Variants in FADS3 observed in about 807,000 individuals in gnomAD.
The protein encoded by FADS3 is cytochrome b5-related protein.
Under a neutral mutation model 60.4 loss-of-function variants are expected in FADS3, and 30 were observed. The observed-to-expected ratio is 0.50, with a 90% CI of 0.37 to 0.67. The LOEUF is 0.67. Ranked by LOEUF, FADS3 falls within the 30% of genes least tolerant of loss-of-function variation. The probability of loss-of-function intolerance (pLI) is 0.00; values close to 1 mark genes in which losing one functional copy is unlikely to be tolerated. For synonymous variants in FADS3, 234 were observed against 249.3 expected, an observed-to-expected ratio of 0.94 and a Z score of 0.58; for missense variants, 432 against 598.3, an observed-to-expected ratio of 0.72 and a Z score of 2.90.
At position 61,873,761 on chromosome 11, in the gene FADS3, CTGGCTTGG is replaced by C; in HGVS notation, c.*45_*52del. On this transcript the variant is annotated 3_prime_UTR_variant, in exon 12 of 12. Transcript: ENST00000278829. ...GTGAGGGTATCGATCCCGCCGGGGG[CTGGCTTGG>C]TTGCTGGTGCCCTGAGCCCTTCTCT... The C allele has an allele frequency of 6.9e-7, 1 of 1,442,582 alleles. No homozygotes were observed. Among genetic ancestry groups the C allele is most frequent in the South Asian group, 1.2e-5 (1 of 84,384 alleles). The allele number at this position is 1,442,582 out of a possible 1,614,324, so 89.4% of individuals were successfully genotyped here. A position where few individuals can be genotyped will look rare whatever the true frequency, so the allele number is the denominator to read the frequency against.
At chr11:61,891,834 C>CGGG (rs1938532978), upstream of FADS3, 1 of 152,232 alleles carries the variant, frequency 6.6e-6, no homozygotes, top group Non-Finnish European at 1.5e-5. Context: ...ACCCGGAGCG[C>CGGG]GGGGCCTGGG....
At chr11:61,889,648 G>A (rs963176819) in intron 1 of FADS3, among the ~76,000 whole-genome samples, 1 of 151,724 alleles carries the variant, frequency 6.6e-6, no homozygotes, top group Non-Finnish European at 1.5e-5. Flanking sequence ...CTCTGTCTCC[G>A]GCGGTTGGTG....
upstream of FADS3, chr11:61,891,565 G>A: frequency 3.5e-6 from 1 of 282,312 alleles, no homozygotes; most frequent in Non-Finnish European, 6.3e-6. Context: ...GGAACTCCCC[G>A]CCTTATAACC....
chr11:61,891,479 C>G lies in FADS3; in HGVS notation c.-98G>C. 3.5e-6 allele frequency: 3 copies of G among 849,090 alleles called. No homozygotes were observed. The South Asian group carries it at 1.3e-4, about 38-fold the overall frequency. 52.6% of individuals were successfully genotyped at this position (849,090 alleles called of 1,614,324 possible). A position where few individuals can be genotyped will look rare whatever the true frequency, so the allele number is the denominator to read the frequency against. On this transcript the variant is annotated 5_prime_UTR_variant, in exon 1 of 12. Transcript: ENST00000278829. ...CGCTCCCGGGCGCCGCCTCCGCCGC[C>G]GCCCGCTGCTCCGGCCCCGCCCTGC... is the stretch of plus-strand genomic sequence containing the variant.
chr11:61,885,310 C>G (rs151175055), intron 1 of FADS3, among the ~76,000 whole-genome samples: 59 of 152,340 alleles, frequency 3.9e-4, no homozygotes, highest in African/African-American at 1.4e-3. Flanking sequence ...GAGCCCCAGA[C>G]AAGACCACAC....
At chr11:61,885,627 A>T (rs1281440892) in intron 1 of FADS3, among the ~76,000 whole-genome samples, 1 of 152,190 alleles carries the variant, frequency 6.6e-6, no homozygotes, top group Non-Finnish European at 1.5e-5. Flanking sequence ...AGGGGCTGGC[A>T]GCCTCCTTCC....
intron 1 of FADS3, among the ~76,000 whole-genome samples, chr11:61,883,090 G>A (rs1325705490): frequency 1.3e-5 from 2 of 152,176 alleles, no homozygotes; most frequent in Non-Finnish European, 2.9e-5. Flanking sequence ...ATTTTTAGGT[G>A]TCCAGCTCAG....
At position 61,876,979 on chromosome 11, in the gene FADS3, G is replaced by T; in HGVS notation, c.886-16C>A. On this transcript the variant is annotated splice_polypyrimidine_tract_variant and intron_variant, in intron 7 of 11. Coordinates refer to ENST00000278829, the MANE Select transcript of FADS3 (RefSeq NM_021727.5). This position sits in a 1 kb window ranked among gnomAD's most constrained non-coding sequence, Gnocchi z 5.7. ...AGAGCAAATCCTGCAGAGGAGGGCA[G>T]AGGCGATACCGAGAGGTCTCCAGGT... 6.4e-7 allele frequency: 1 copy of T among 1,570,320 alleles called. No homozygotes were observed.
rs1382833961 is a variant in FADS3 at position 61,877,417 on chromosome 11, A to T, written c.885+94T>A. 1 of 1,168,186 alleles carries T rather than the reference A, an allele frequency of 8.6e-7. No homozygotes were observed. The highest frequency in any genetic ancestry group is 1.5e-5 in the African/African-American group (1 of 66,356). The allele number at this position is 1,168,186 out of a possible 1,614,324, so 72.4% of individuals were successfully genotyped here. A position where few individuals can be genotyped will look rare whatever the true frequency, so the allele number is the denominator to read the frequency against. On this transcript the variant is annotated intron_variant, in intron 7 of 11. Coordinates refer to ENST00000278829, the MANE Select transcript of FADS3 (RefSeq NM_021727.5). This position sits in a 1 kb window ranked among gnomAD's most constrained non-coding sequence, Gnocchi z 4.7. Reference sequence around the variant, plus strand: ...GCCACACTGTTGCACGCACATGTGCACCCTGTTTGCCTTCATGGGCAGGTA... The same window carrying T: ...GCCACACTGTTGCACGCACATGTGCTCCCTGTTTGCCTTCATGGGCAGGTA...
chr11:61,887,110 T>C lies in FADS3; in HGVS notation c.213+4059A>G, dbSNP rs533110612. ...ACCCAGGTGCCCAGCACCACCCTCA[T>C]AGTGTGCCCAGGACAAAAGCATTCT... On this transcript the variant is annotated intron_variant, in intron 1 of 11. Transcript: ENST00000278829. Among the ~76,000 whole-genome samples, 137 of 152,362 alleles carry C rather than the reference T, an allele frequency of 9.0e-4. 1 individual carries two copies. Among genetic ancestry groups the C allele is most frequent in the African/African-American group, 3.2e-3 (135 of 41,584 alleles).
chr11:61,888,847 T>C, intron 1 of FADS3, among the ~76,000 whole-genome samples: 1 of 152,158 alleles, frequency 6.6e-6, no homozygotes, highest in Non-Finnish European at 1.5e-5. Context: ...GGTCGCTCAG[T>C]GCCTCCAATA....
At position 61,877,396 on chromosome 11, in the gene FADS3, C is replaced by T. The variant is rs1937943951; in HGVS notation, c.885+115G>A. ...CTGTTGCACGCATACATGTGAGCCA[C>T]ACTGTTGCACGCACATGTGCACCCT... On this transcript the variant is annotated intron_variant, in intron 7 of 11. Coordinates refer to ENST00000278829, the MANE Select transcript of FADS3 (RefSeq NM_021727.5). The surrounding 1 kb of genome is among the most constrained non-coding windows in gnomAD (Gnocchi z 4.7). The T allele has an allele frequency of 3.2e-6, 3 of 945,328 alleles. No individual in the cohort carries two copies. The highest frequency in any genetic ancestry group is 1.8e-5 in the Admixed American group (1 of 54,208). The allele number at this position is 945,328 out of a possible 1,614,324, so 58.6% of individuals were successfully genotyped here.
rs374211652 is a variant in FADS3, at chr11:61,880,030, C to G, written c.324+11G>C. The G allele has an allele frequency of 2.2e-5, 36 of 1,602,676 alleles. No individual in the cohort carries two copies. The highest frequency in any genetic ancestry group is 6.7e-5 in the Admixed American group (4 of 59,944). On this transcript the variant is annotated intron_variant, in intron 2 of 11. Transcript: ENST00000278829. Reference sequence around the variant, plus strand: ...CTCAGGGGCTGAGCCTCTCCTAGGGCTCTGGCTCACATTCAGGGGTCCATC... The same window carrying G: ...CTCAGGGGCTGAGCCTCTCCTAGGGGTCTGGCTCACATTCAGGGGTCCATC...
chr11:61,888,667 C>T (rs1938393563), intron 1 of FADS3, among the ~76,000 whole-genome samples: 1 of 152,172 alleles, frequency 6.6e-6, no homozygotes, highest in Admixed American at 6.5e-5. Flanking sequence ...AGGGCACGCT[C>T]ACACTTAGGG....
At chr11:61,884,470 G>A (rs1591199112) in intron 1 of FADS3, among the ~76,000 whole-genome samples, 1 of 152,182 alleles carries the variant, frequency 6.6e-6, no homozygotes, top group Non-Finnish European at 1.5e-5. Flanking sequence ...AACTTAAAGT[G>A]AAGAAAACAA....
intron 1 of FADS3, among the ~76,000 whole-genome samples, chr11:61,890,604 C>T (rs1938471327): frequency 6.6e-6 from 1 of 152,172 alleles, no homozygotes; most frequent in South Asian, 2.1e-4. Context: ...CAGCCTGTTC[C>T]TGGGGTGACT....
rs1365182048 is a variant in FADS3, at chr11:61,877,134, G to A, written c.886-171C>T. On this transcript the variant is annotated intron_variant, in intron 7 of 11. Coordinates refer to ENST00000278829, the MANE Select transcript of FADS3 (RefSeq NM_021727.5). The surrounding 1 kb of genome is among the most constrained non-coding windows in gnomAD (Gnocchi z 4.7). ...TTTCTCAGCTGAGTAAAGGAACAGG[G>A]TCCTTGCCCTGCCAGCTCACGAGGC... The A allele has an allele frequency of 2.4e-5, 14 of 573,144 alleles. No homozygotes were observed. In the Admixed American group the frequency reaches 3.7e-4, roughly 15 times the overall value. The allele number at this position is 573,144 out of a possible 1,614,324, so 35.5% of individuals were successfully genotyped here.
At position 61,880,047 on chromosome 11, in the gene FADS3, G is replaced by T; in HGVS notation, c.318C>A (p.Pro106=). ...TCCTAGGGCTCTGGCTCACATTCAG[G>T]GGTCCATCCTGGCTGGGTTCTTCCG... ...LAPEEPSQDG[P]LNAQLVEDFR... Residue 106 remains proline, a synonymous_variant, in exon 2 of 12, where the codon CCC becomes CCA. Transcript: ENST00000278829. 6.2e-7 allele frequency: 1 copy of T among 1,613,210 alleles called. No homozygotes were observed. The highest frequency in any genetic ancestry group is 8.5e-7 in the Non-Finnish European group (1 of 1,179,308).
Position 61,877,650 on chromosome 11 carries a change from AGAGT to A in FADS3, c.809-67_809-64del. On this transcript the variant is annotated intron_variant, in intron 6 of 11. Transcript: ENST00000278829. This position sits in a 1 kb window ranked among gnomAD's most constrained non-coding sequence, Gnocchi z 4.7. Reference sequence around the variant, plus strand: ...TGGGCTGCCAAGGTGAGTGGGCGCCAGAGTGAGGGGCTCTGTTACTCCAGGAATG... The same window carrying A: ...TGGGCTGCCAAGGTGAGTGGGCGCCAGAGGGGCTCTGTTACTCCAGGAATG... 1 of 1,451,872 alleles carries A rather than the reference AGAGT, an allele frequency of 6.9e-7. No individual in the cohort carries two copies. The highest frequency in any genetic ancestry group is 9.6e-7 in the Non-Finnish European group (1 of 1,045,564). The allele number at this position is 1,451,872 out of a possible 1,614,324, so 89.9% of individuals were successfully genotyped here.
Sources: gnomAD v4.1 joint callset for allele counts (sites outside exome capture counted in the v4.1 genomes callset) on GRCh38, gnomAD v4.1.1 for gene constraint, Gnocchi (gnomAD v3.1) non-coding constraint, MANE v1.5 for transcripts, NCBI Gene and HGNC (gene_info 2026-07-23, HGNC 2026-07-21) for gene names.